TACC2: variants seen among roughly 807,000 people sequenced by gnomAD.
The protein encoded by TACC2 is transforming acidic coiled-coil containing protein 2, also known as transforming acidic coiled-coil-containing protein 2.
TACC2 carries 137 observed loss-of-function variants against 227.3 expected under a neutral mutation model. The ratio of observed to expected loss-of-function variants is 0.60; its 90% CI spans 0.52 to 0.69. The LOEUF is 0.69. Among genes scored for constraint, TACC2 ranks in the 30% least tolerant of loss-of-function variants. The pLI is 0.00. For synonymous variants in TACC2, 1,523 were observed against 1,487.5 expected (o/e 1.02, Z -0.55); for missense variants, 3,470 against 3,694.4 (o/e 0.94, Z 1.57).
chr10:122,055,767 T>C (rs1009682378), intron 3 of TACC2, among the ~76,000 whole-genome samples: 4 of 152,008 alleles, frequency 2.6e-5, no homozygotes, highest in Admixed American at 2.0e-4. Flanking sequence ...CCCACCTGGG[T>C]GGGAATTTTG....
Position 122,127,710 on chromosome 10 carries a change from T to A in TACC2, c.5574-4899T>A, listed in dbSNP as rs952400817. Among the ~76,000 whole-genome samples, 11 of 152,184 alleles carry A rather than the reference T, an allele frequency of 7.2e-5. No homozygotes were observed. The South Asian group carries it at 2.3e-3, about 31-fold the overall frequency. ...ACAGTTGTTCTGAGAAGAGCTGTTTTAGAAAAATCCCCCCATTTCCCCAGA... is the reference window on the plus strand; with the variant it reads ...ACAGTTGTTCTGAGAAGAGCTGTTTAAGAAAAATCCCCCCATTTCCCCAGA... On this transcript the variant is annotated intron_variant, in intron 5 of 22. Coordinates refer to ENST00000369005, the MANE Select transcript of TACC2 (RefSeq NM_206862.4).
At chr10:122,007,010 C>T (rs934329186) in intron 1 of TACC2, among the ~76,000 whole-genome samples, 10 of 151,938 alleles carry the variant, frequency 6.6e-5, no homozygotes, top group African/African-American at 1.7e-4. Flanking sequence ...TATAGGCATG[C>T]GCCACCATGT....
At position 122,083,649 on chromosome 10, in the gene TACC2, C is replaced by G. The variant is rs753924739; in HGVS notation, c.1149C>G (p.Thr383=). The G allele has an allele frequency of 1.2e-6, 2 of 1,611,212 alleles. No homozygotes were observed. Among genetic ancestry groups the G allele is most frequent in the East Asian group, 2.2e-5 (1 of 44,872 alleles). The part of the protein sequence containing the change: ...QGHPQTGMRG[T]KPNQVVCVAA... ...ACCCACAGACAGGGATGCGAGGAAC[C>G]AAGCCCAATCAAGTTGTCTGTGTGG... The change falls in exon 4 of 23, where the codon ACC becomes ACG. Residue 383 remains threonine (T), a synonymous_variant. Coordinates refer to ENST00000369005, the MANE Select transcript of TACC2 (RefSeq NM_206862.4).
At position 122,085,774 on chromosome 10, in the gene TACC2, C is replaced by G. The variant is rs1046402183; in HGVS notation, c.3274C>G (p.Pro1092Ala). The change falls in exon 4 of 23, where the codon CCA (proline) becomes GCA (alanine). Residue 1092 changes from proline to alanine, a missense_variant. Pro to Ala is a conservative substitution (Grantham distance 27). Coordinates refer to ENST00000369005, the MANE Select transcript of TACC2 (RefSeq NM_206862.4). ...CDETQEGRQQ[P>A]VPAPQQKMEC... ...TGAAACCCAGGAAGGCAGGCAGCAA[C>G]CAGTGCCGGCCCCGCAGCAGAAAAT... 6 of 1,613,722 alleles carry G rather than the reference C, an allele frequency of 3.7e-6. No homozygotes were observed. The highest frequency in any genetic ancestry group is 3.3e-5 in the Admixed American group (2 of 59,998).
At chr10:122,163,252 G>A (rs981599234) in intron 7 of TACC2, among the ~76,000 whole-genome samples, 41 of 151,962 alleles carry the variant, frequency 2.7e-4, no homozygotes, top group Non-Finnish European at 4.7e-4. Flanking sequence ...TGTTCCTCCA[G>A]CCATCCCCTT....
At chr10:122,067,507 GTTT>G (rs34479310) in intron 3 of TACC2, among the ~76,000 whole-genome samples, 1 of 129,644 alleles carries the variant, frequency 7.7e-6, no homozygotes. Context: ...ACTGTTTCTG[GTTT>G]TTTTTTTTTT....
At chr10:122,032,823 G>T (rs909948755) in intron 2 of TACC2, among the ~76,000 whole-genome samples, 1 of 152,152 alleles carries the variant, frequency 6.6e-6, no homozygotes, top group Admixed American at 6.5e-5. Flanking sequence ...GCCGGGCGTG[G>T]TGGCATGCAC....
chr10:122,143,453 G>A lies in TACC2; in HGVS notation c.5700-119G>A, dbSNP rs565134441. ...GGGAAGCCGGGGAGCCAAGTGCTGG[G>A]GTTTAAAGAGTCCATTCCATGTGTG... On this transcript the variant is annotated intron_variant, in intron 6 of 22. Transcript: ENST00000369005. The A allele has an allele frequency of 2.3e-5, 26 of 1,111,478 alleles. No homozygotes were observed. The African/African-American group carries it at 4.8e-4, about 20-fold the overall frequency. 68.9% of individuals were successfully genotyped at this position (1,111,478 alleles called of 1,614,324 possible).
intron 5 of TACC2, among the ~76,000 whole-genome samples, chr10:122,128,178 G>T (rs1229920391): frequency 1.3e-5 from 2 of 152,142 alleles, no homozygotes; most frequent in African/African-American, 4.8e-5. Context: ...AGACAGAAAG[G>T]CTAAAGCTCA....
intron 5 of TACC2, among the ~76,000 whole-genome samples, chr10:122,127,484 C>G (rs1258178176): frequency 6.6e-6 from 1 of 152,206 alleles, no homozygotes; most frequent in Non-Finnish European, 1.5e-5. Flanking sequence ...GTTGATAGTA[C>G]AGGCTTCCCT....
chr10:122,022,122 AG>A, intron 2 of TACC2, 108 bp downstream of exon 2: 1 of 1,098,262 alleles, frequency 9.1e-7, no homozygotes, highest in Non-Finnish European at 1.4e-6. Flanking sequence ...CAAACAAGAC[AG>A]CTTCTGCGTA....
Position 122,033,321 on chromosome 10 carries a change from G to A in TACC2, c.33+11307G>A, listed in dbSNP as rs189902930. ...CCCAAATAAGTTGTAAAACACAGTC[G>A]AAATCGACAATTTATGTTTAGATTT... On this transcript the variant is annotated intron_variant, in intron 2 of 22. Coordinates refer to ENST00000369005, the MANE Select transcript of TACC2 (RefSeq NM_206862.4). 4.6e-5 allele frequency among the ~76,000 whole-genome samples: 7 copies of A among 152,298 alleles called. No homozygotes were observed. In the East Asian group the frequency reaches 9.6e-4, roughly 21 times the overall value.
chr10:122,138,194 T>C (rs552717709), intron 6 of TACC2, among the ~76,000 whole-genome samples: 33 of 152,296 alleles, frequency 2.2e-4, no homozygotes, highest in African/African-American at 7.7e-4. Context: ...TGAACCTTTA[T>C]TTAAGCAGGT....
intron 7 of TACC2, among the ~76,000 whole-genome samples, chr10:122,189,938 T>G (rs1055754009): frequency 6.6e-6 from 1 of 152,192 alleles, no homozygotes; most frequent in East Asian, 1.9e-4. Flanking sequence ...TAGGATATGA[T>G]CTCTAAATTT....
chr10:122,044,205 G>A (rs2074696074), intron 2 of TACC2, among the ~76,000 whole-genome samples: 1 of 152,232 alleles, frequency 6.6e-6, no homozygotes, highest in African/African-American at 2.4e-5. Flanking sequence ...TCCGTTTGCG[G>A]AAAGCTGAAA....
rs765895151 is a variant in TACC2, at chr10:122,211,021, C to T, written c.6596C>T (p.Pro2199Leu). Reference sequence around the variant, plus strand: ...ACGCCCCTTGAGCCCGCTGTGGGGCCCAAAGCTGCCTGCCCTCTGGACTCA... The same window carrying T: ...ACGCCCCTTGAGCCCGCTGTGGGGCTCAAAGCTGCCTGCCCTCTGGACTCA... ...EETPLEPAVG[P>L]KAACPLDSES... Residue 2199 changes from proline to leucine, a missense_variant, in exon 9 of 23, where the codon CCC (proline) becomes CTC (leucine). Transcript: ENST00000369005. 8 of 1,611,492 alleles carry T rather than the reference C, an allele frequency of 5.0e-6. No individual in the cohort carries two copies. The highest frequency in any genetic ancestry group is 1.3e-5 in the African/African-American group (1 of 74,762).
rs759990714 is a variant in TACC2, at chr10:122,143,684, G to C, written c.5812G>C (p.Asp1938His). ...AGAAGCTTCCACTCCCTCCTGCCCAGATCCGGCCAAGGACCTCAGCAGGTA... is the reference window on the plus strand; with the variant it reads ...AGAAGCTTCCACTCCCTCCTGCCCACATCCGGCCAAGGACCTCAGCAGGTA... ...RVEASTPSCPDPAKDLSRSSD... is the reference protein window; with the variant it reads ...RVEASTPSCPHPAKDLSRSSD... The change falls in exon 7 of 23, where the codon GAT (aspartate) becomes CAT (histidine). Residue 1938 changes from aspartate to histidine, a missense_variant. Physicochemically the swap from Asp to His is moderately conservative, Grantham distance 81. This residue lies in a region of TACC2 where 1,924 missense variants were observed against 1,978.3 expected (regional missense o/e 0.97). Coordinates refer to ENST00000369005, the MANE Select transcript of TACC2 (RefSeq NM_206862.4). 2 of 1,614,078 alleles carry C rather than the reference G, an allele frequency of 1.2e-6. No individual in the cohort carries two copies. The highest frequency in any genetic ancestry group is 2.7e-5 in the African/African-American group (2 of 75,026).
chr10:122,088,091 A>G (rs1010313869), intron 4 of TACC2, 132 bp downstream of exon 4: 29 of 980,892 alleles, frequency 3.0e-5, no homozygotes, highest in South Asian at 5.6e-5. Context: ...TAATTGCTAA[A>G]TGAACCTGCT....
At chr10:122,203,563 C>T (rs1219950066) in intron 8 of TACC2, among the ~76,000 whole-genome samples, 2 of 146,566 alleles carry the variant, frequency 1.4e-5, no homozygotes, top group East Asian at 2.1e-4. Flanking sequence ...CCGGATGGGG[C>T]GGCAGGGCAG....
Sources: allele counts gnomAD v4.1 joint callset (sites outside exome capture counted in the v4.1 genomes callset), GRCh38; gene constraint gnomAD v4.1.1; regional missense constraint gnomAD v4.1.1; transcripts MANE v1.5; gene names NCBI Gene and HGNC (gene_info 2026-07-23, HGNC 2026-07-21).